The following GREB1L variants were observed in gnomAD, a reference collection of about 807,000 sequenced individuals.
GREB1L encodes GREB1-like protein.
In GREB1L, 17 loss-of-function variants were observed where a neutral mutation model predicts 200.8. The ratio of observed to expected loss-of-function variants is 0.08; its 90% confidence interval spans 0.06 to 0.13. The LOEUF (loss-of-function observed/expected upper bound fraction) is 0.13. Among genes scored for constraint, GREB1L ranks in the 10% least tolerant of loss-of-function variants. GREB1L has a pLI of 1.00. For synonymous variants in GREB1L, 789 were observed against 893.0 expected, an observed-to-expected ratio of 0.88 and a Z score of 2.08; for missense variants, 1,657 against 2,367.7, an observed-to-expected ratio of 0.70 and a Z score of 6.23.
At chr18:21,421,366 A>G (rs1231172411) in intron 7 of GREB1L, among the ~76,000 whole-genome samples, 1 of 152,228 alleles carries the variant, frequency 6.6e-6, no homozygotes, top group Non-Finnish European at 1.5e-5. Context: ...GAAATATGTT[A>G]TATTTTAATT....
At chr18:21,314,351 C>G (rs912797676) in intron 1 of GREB1L, among the ~76,000 whole-genome samples, 39 of 151,992 alleles carry the variant, frequency 2.6e-4, no homozygotes, top group African/African-American at 9.4e-4. Flanking sequence ...TGTGTGAAAG[C>G]GTGGAAACTT....
chr18:21,463,743 A>C (rs9635908), intron 15 of GREB1L, among the ~76,000 whole-genome samples: 101,008 of 151,920 alleles, frequency 0.66, 37,419 homozygotes, highest in Non-Finnish European at 0.85. Flanking sequence ...ACACTTGGCT[A>C]ATTTTTTTTA....
intron 18 of GREB1L, among the ~76,000 whole-genome samples, chr18:21,486,598 A>G (rs1215676449): frequency 1.3e-5 from 2 of 152,128 alleles, no homozygotes; most frequent in Non-Finnish European, 2.9e-5. Flanking sequence ...GGCCTTAGGG[A>G]TTAAGGAACA....
At chr18:21,419,209 A>G (rs1284383247) in intron 7 of GREB1L, among the ~76,000 whole-genome samples, 1 of 152,228 alleles carries the variant, frequency 6.6e-6, no homozygotes, top group Non-Finnish European at 1.5e-5. Flanking sequence ...TCGCAGAAGG[A>G]CAAAATTGCC....
chr18:21,510,378 A>G (rs1237915908), intron 27 of GREB1L, among the ~76,000 whole-genome samples: 2 of 152,028 alleles, frequency 1.3e-5, no homozygotes, highest in Non-Finnish European at 2.9e-5. Context: ...CCCTCCCCTC[A>G]GCGTCTGGCA....
chr18:21,330,591 T>C (rs996258277), intron 1 of GREB1L, among the ~76,000 whole-genome samples: 4 of 152,232 alleles, frequency 2.6e-5, no homozygotes, highest in African/African-American at 2.4e-5. Context: ...CCTATACTGC[T>C]CTGACTCATT....
At position 21,294,580 on chromosome 18, in the gene GREB1L, C is replaced by T. The variant is rs576383982; in HGVS notation, c.-120+52187C>T. Among the ~76,000 whole-genome samples, 53 of 151,286 alleles carry T rather than the reference C, an allele frequency of 3.5e-4. 1 individual carries two copies. In the South Asian group the frequency reaches 8.4e-3, roughly 24 times the overall value. On this transcript the variant is annotated intron_variant, in intron 1 of 32. Transcript: ENST00000424526. ...GAAAAGCCATGTGGCTTGGTAGGGTCAATTGTTTAGTGGTTATTATAATAT... is the reference window on the plus strand; with the variant it reads ...GAAAAGCCATGTGGCTTGGTAGGGTTAATTGTTTAGTGGTTATTATAATAT...
chr18:21,337,104 A>G (rs2039196889), intron 1 of GREB1L, among the ~76,000 whole-genome samples: 1 of 152,144 alleles, frequency 6.6e-6, no homozygotes, highest in Admixed American at 6.6e-5. Context: ...AGGAACACAT[A>G]CCCTTGATGT....
chr18:21,512,214 TA>T (rs2037266600), intron 27 of GREB1L, among the ~76,000 whole-genome samples: 1 of 152,324 alleles, frequency 6.6e-6, no homozygotes, highest in East Asian at 1.9e-4. Flanking sequence ...TAGATTTTTC[TA>T]TTTCTGCAAA....
chr18:21,249,573 G>A (rs1342793521), intron 1 of GREB1L, among the ~76,000 whole-genome samples: 1 of 152,156 alleles, frequency 6.6e-6, no homozygotes, highest in Non-Finnish European at 1.5e-5. Context: ...AGAGATATCT[G>A]GCCGGGTGTG....
chr18:21,486,776 C>A (rs144537976), intron 18 of GREB1L, among the ~76,000 whole-genome samples: 1 of 152,222 alleles, frequency 6.6e-6, no homozygotes, highest in Admixed American at 6.5e-5. Flanking sequence ...TTCTGCCCTC[C>A]ACAATATTCT....
At chr18:21,256,930 G>C (rs192357211) in intron 1 of GREB1L, among the ~76,000 whole-genome samples, 2 of 151,440 alleles carry the variant, frequency 1.3e-5, no homozygotes, top group African/African-American at 4.9e-5. Context: ...GTTTGAACCC[G>C]GGAGGTGGCG....
chr18:21,509,056 G>A (rs982991846), intron 27 of GREB1L, among the ~76,000 whole-genome samples: 4 of 152,226 alleles, frequency 2.6e-5, no homozygotes, highest in Admixed American at 2.6e-4. Flanking sequence ...GGAGCTGGAA[G>A]CATCGTTACT....
intron 19 of GREB1L, among the ~76,000 whole-genome samples, chr18:21,493,334 G>T (rs1846695113): frequency 6.6e-6 from 1 of 152,186 alleles, no homozygotes; most frequent in Non-Finnish European, 1.5e-5. Flanking sequence ...GGCAGGTGAA[G>T]CTTTCATTAG....
At chr18:21,429,152 TTCCC>T (rs1380304481) in intron 7 of GREB1L, among the ~76,000 whole-genome samples, 3 of 70,538 alleles carry the variant, frequency 4.3e-5, no homozygotes, top group Non-Finnish European at 7.1e-5. Flanking sequence ...CCTTCCTCCC[TTCCC>T]TCCCTCCCTT....
chr18:21,277,997 C>T (rs2038197540), intron 1 of GREB1L, among the ~76,000 whole-genome samples: 1 of 152,174 alleles, frequency 6.6e-6, no homozygotes, highest in South Asian at 2.1e-4. Flanking sequence ...AACAAAAACT[C>T]ATGAGGCCTG....
chr18:21,508,126 C>T lies in GREB1L; in HGVS notation c.4377C>T (p.Asp1459=), dbSNP rs1568071319. ...CTTCTTTGCAAATGTAGATGTCTGA[C>T]TCCACCCTTCATGCCTTCACATTCT... ...MDFTSASQMS[D]STLHAFTFSS... is the part of the protein sequence containing the mutation. Residue 1459 remains aspartate, a synonymous_variant, in exon 26 of 33, where the codon GAC becomes GAT. Transcript: ENST00000424526. The T allele has an allele frequency of 6.4e-7, 1 of 1,551,468 alleles. No homozygotes were observed. The highest frequency in any genetic ancestry group is 1.4e-5 in the African/African-American group (1 of 73,026).
chr18:21,410,254 T>C (rs1389057497), intron 7 of GREB1L, among the ~76,000 whole-genome samples: 1 of 152,114 alleles, frequency 6.6e-6, no homozygotes, highest in Non-Finnish European at 1.5e-5. Flanking sequence ...CACTTTATGA[T>C]TTTCTTGGGC....
chr18:21,358,037 A>T (rs1337452065), intron 1 of GREB1L, among the ~76,000 whole-genome samples: 1 of 152,168 alleles, frequency 6.6e-6, no homozygotes, highest in Non-Finnish European at 1.5e-5. Context: ...TTGAATCTGA[A>T]GACTGCTTTG....
Sources: gnomAD v4.1 joint callset for allele counts (sites outside exome capture counted in the v4.1 genomes callset) on GRCh38, gnomAD v4.1.1 for gene constraint, MANE v1.5 for transcripts, NCBI Gene and HGNC (gene_info 2026-07-23, HGNC 2026-07-21) for gene names.